Variants in KCNQ5 observed in about 807,000 individuals in gnomAD.
The protein encoded by KCNQ5 is potassium voltage-gated channel subfamily Q member 5, also known as potassium voltage-gated channel subfamily KQT member 5.
KCNQ5 carries 30 observed loss-of-function variants against 98.2 expected under a neutral mutation model. That is an observed-to-expected ratio of 0.31 (90% CI 0.23 to 0.41). KCNQ5 has a LOEUF of 0.41. KCNQ5 is among the 10% of genes least tolerant of loss of function. The pLI, the probability that KCNQ5 is intolerant of heterozygous loss-of-function variation, is 1.00. For missense variants in KCNQ5, 835 were observed against 1,182.5 expected, an observed-to-expected ratio of 0.71 and a Z score of 4.31; for synonymous variants, 458 against 449.4, an observed-to-expected ratio of 1.02 and a Z score of -0.24.
intron 1 of KCNQ5, among the ~76,000 whole-genome samples, chr6:72,670,470 GT>G (rs376036818): frequency 3.3e-5 from 5 of 151,586 alleles, no homozygotes; most frequent in African/African-American, 1.2e-4. Flanking sequence ...TAGGGTTTTT[GT>G]TTTTTTTGTT....
intron 1 of KCNQ5, among the ~76,000 whole-genome samples, chr6:72,939,715 G>C (rs1222016730): frequency 6.6e-6 from 1 of 152,136 alleles, no homozygotes; most frequent in East Asian, 1.9e-4. Flanking sequence ...ACTTAAACTT[G>C]ATGCAAGCCT....
intron 1 of KCNQ5, among the ~76,000 whole-genome samples, chr6:72,896,411 CA>C (rs1382537245): frequency 1.3e-5 from 2 of 150,846 alleles, no homozygotes; most frequent in Admixed American, 1.3e-4. Context: ...TGAAGAAAAA[CA>C]AAAAGTAATA....
intron 10 of KCNQ5, among the ~76,000 whole-genome samples, chr6:73,140,348 C>T (rs1273027257): frequency 6.6e-6 from 1 of 152,210 alleles, no homozygotes; most frequent in African/African-American, 2.4e-5. Context: ...CACCACGCTG[C>T]ACATAGCATT....
intron 1 of KCNQ5, among the ~76,000 whole-genome samples, chr6:72,926,104 A>C (rs1765406776): frequency 6.6e-6 from 1 of 152,148 alleles, no homozygotes. Flanking sequence ...AACTGTCAAG[A>C]GGTGGGGGAT....
intron 1 of KCNQ5, among the ~76,000 whole-genome samples, chr6:72,961,935 G>A (rs912069312): frequency 4.0e-5 from 6 of 151,878 alleles, no homozygotes; most frequent in African/African-American, 1.2e-4. Flanking sequence ...CCAGAACTTT[G>A]GGAGGCCAAG....
At chr6:72,817,431 CACTAGTACAAAGGCAGCA>C (rs1775554452) in intron 1 of KCNQ5, among the ~76,000 whole-genome samples, 1 of 152,126 alleles carries the variant, frequency 6.6e-6, no homozygotes, top group Admixed American at 6.6e-5. Flanking sequence ...GATGCTACAG[CACTAGTACAAAGGCAGCA>C]AAAATGCATT....
intron 10 of KCNQ5, chr6:73,134,275 A>C (rs1776368152): frequency 6.2e-6 from 1 of 161,568 alleles, no homozygotes; most frequent in Admixed American, 6.0e-5. Flanking sequence ...CATTTTATTG[A>C]GTGCCACATA....
At chr6:72,806,797 G>A in intron 1 of KCNQ5, 1 of 451,604 alleles carries the variant, frequency 2.2e-6, no homozygotes, top group South Asian at 1.6e-5. Flanking sequence ...CTCCTTGCAT[G>A]GTAAACCACT....
intron 3 of KCNQ5, chr6:73,055,174 C>T (rs538709015): frequency 1.8e-5 from 15 of 853,886 alleles, no homozygotes; most frequent in African/African-American, 3.3e-5. Flanking sequence ...GCGGCTGGTA[C>T]GACGCCATCC....
chr6:73,129,159 A>G (rs534126654), intron 9 of KCNQ5, among the ~76,000 whole-genome samples: 1 of 152,344 alleles, frequency 6.6e-6, no homozygotes, highest in Admixed American at 6.5e-5. Flanking sequence ...TGTTTCAAAA[A>G]CAATCTTTCC....
At chr6:72,983,189 C>T (rs1768559499) in intron 1 of KCNQ5, among the ~76,000 whole-genome samples, 1 of 152,140 alleles carries the variant, frequency 6.6e-6, no homozygotes, top group Non-Finnish European at 1.5e-5. Flanking sequence ...GTGGTGTTCT[C>T]TGTATTTCCT....
intron 1 of KCNQ5, among the ~76,000 whole-genome samples, chr6:72,756,863 C>T (rs1379555441): frequency 6.6e-6 from 1 of 151,922 alleles, no homozygotes; most frequent in Non-Finnish European, 1.5e-5. Context: ...CATACTTGAT[C>T]GAAGTAAATG....
At chr6:72,971,904 G>A (rs1242921641) in intron 1 of KCNQ5, among the ~76,000 whole-genome samples, 1 of 152,158 alleles carries the variant, frequency 6.6e-6, no homozygotes, top group East Asian at 1.9e-4. Context: ...GAGTTAATGA[G>A]TGTAGCACAC....
intron 10 of KCNQ5, among the ~76,000 whole-genome samples, chr6:73,151,482 G>T (rs763269218): frequency 6.6e-6 from 1 of 152,106 alleles, no homozygotes; most frequent in East Asian, 1.9e-4. Flanking sequence ...TCAAAATTCA[G>T]CATCTACATT....
rs1254231605 is a variant in KCNQ5, at chr6:72,655,022, G to GTCTTTCTTTCTT, written c.398+32438_398+32439insTTCTTTCTTTCT. 2.4e-3 allele frequency among the ~76,000 whole-genome samples: 286 copies of GTCTTTCTTTCTT among 118,944 alleles called. 2 individuals carry two copies. The highest frequency in any genetic ancestry group is 5.0e-3 in the East Asian group (15 of 3,022). 78.0% of individuals were successfully genotyped at this position (118,944 alleles called of 152,430 possible). On this transcript the variant is annotated intron_variant, in intron 1 of 13. Coordinates refer to ENST00000370398, the MANE Select transcript of KCNQ5 (RefSeq NM_019842.4). ...TTTCCATGTTTAATAGCCAAGGTCT[G>GTCTTTCTTTCTT]TCTGTCTTTCTTTCTTTCTTTCTTT...
At chr6:72,906,824 C>A (rs951076906) in intron 1 of KCNQ5, among the ~76,000 whole-genome samples, 1 of 152,164 alleles carries the variant, frequency 6.6e-6, no homozygotes, top group Non-Finnish European at 1.5e-5. Context: ...CTGATTTATT[C>A]CTGCAGTTGT....
intron 1 of KCNQ5, among the ~76,000 whole-genome samples, chr6:72,908,706 T>C (rs1413525799): frequency 6.6e-6 from 1 of 152,102 alleles, no homozygotes; most frequent in Non-Finnish European, 1.5e-5. Flanking sequence ...CCATAGTGAA[T>C]TATTCAACAC....
intron 1 of KCNQ5, among the ~76,000 whole-genome samples, chr6:72,649,924 C>A (rs1368258955): frequency 6.6e-6 from 1 of 152,118 alleles, no homozygotes; most frequent in East Asian, 1.9e-4. Context: ...AATATTGCAG[C>A]AACTGACACA....
At chr6:73,170,215 T>C (rs889896821) in intron 11 of KCNQ5, among the ~76,000 whole-genome samples, 2 of 152,310 alleles carry the variant, frequency 1.3e-5, no homozygotes, top group African/African-American at 4.8e-5. Context: ...TACAGAATTG[T>C]ATATCAAAGA....
Sources: gnomAD v4.1 joint callset for allele counts (sites outside exome capture counted in the v4.1 genomes callset) on GRCh38, gnomAD v4.1.1 for gene constraint, MANE v1.5 for transcripts, NCBI Gene and HGNC (gene_info 2026-07-23, HGNC 2026-07-21) for gene names.